The following UBAC2 variants were observed in gnomAD, a reference collection of about 807,000 sequenced individuals.
UBAC2 encodes ubiquitin-associated domain-containing protein 2.
Under a neutral mutation model 44.0 loss-of-function variants are expected in UBAC2, and 26 were observed. That is an observed-to-expected ratio of 0.59 (90% CI 0.43 to 0.82). UBAC2 has a LOEUF of 0.82. Among genes scored for constraint, UBAC2 ranks in the 40% least tolerant of loss-of-function variants. The pLI is 0.00. For missense variants in UBAC2, 329 were observed against 419.4 expected (o/e 0.78, Z 1.88); for synonymous variants, 155 against 154.3 (o/e 1.00, Z -0.04).
chr13:99,246,257 T>G (rs959514925), intron 4 of UBAC2, among the ~76,000 whole-genome samples: 5 of 152,244 alleles, frequency 3.3e-5, no homozygotes, highest in African/African-American at 1.2e-4. Context: ...CTGAATAATG[T>G]TTGAATGGAG....
intron 4 of UBAC2, among the ~76,000 whole-genome samples, chr13:99,311,934 C>T (rs1227841212): frequency 6.6e-6 from 1 of 152,222 alleles, no homozygotes; most frequent in African/African-American, 2.4e-5. Flanking sequence ...GTCTGCCACC[C>T]AGTCCCTGCC....
chr13:99,263,032 G>C (rs2043690759), intron 4 of UBAC2, among the ~76,000 whole-genome samples: 1 of 152,176 alleles, frequency 6.6e-6, no homozygotes, highest in Non-Finnish European at 1.5e-5. Flanking sequence ...TGACTGCAAA[G>C]TATGTAGTTT....
chr13:99,344,052 G>A lies in UBAC2; in HGVS notation c.807+3487G>A, dbSNP rs199952291. The stretch of plus-strand genomic sequence containing the variant: ...AGGTCCTGTCTCTCTTGCAGAATTA[G>A]CATGTTTCACTCTTTATCAGTAAGA... On this transcript the variant is annotated intron_variant, in intron 7 of 8. Coordinates refer to ENST00000403766, the MANE Select transcript of UBAC2 (RefSeq NM_001144072.2). 3.3e-5 allele frequency among the ~76,000 whole-genome samples: 5 copies of A among 152,292 alleles called. No individual in the cohort carries two copies. The East Asian group carries it at 7.7e-4, about 23-fold the overall frequency.
chr13:99,332,909 T>C (rs1051294468), intron 6 of UBAC2, among the ~76,000 whole-genome samples: 6 of 151,124 alleles, frequency 4.0e-5, no homozygotes, highest in Non-Finnish European at 8.9e-5. Context: ...TCAGAGGGTC[T>C]ATGGATTTCA....
intron 7 of UBAC2, among the ~76,000 whole-genome samples, chr13:99,358,993 T>C (rs886271846): frequency 6.6e-6 from 1 of 152,014 alleles, no homozygotes; most frequent in East Asian, 1.9e-4. Context: ...GCCCTAGGAA[T>C]GGATGGGCAC....
intron 4 of UBAC2, among the ~76,000 whole-genome samples, chr13:99,244,874 C>G (rs2043363518): frequency 6.6e-6 from 1 of 151,728 alleles, no homozygotes; most frequent in Non-Finnish European, 1.5e-5. Context: ...GCTCTGTCAC[C>G]CAGGCTGGAG....
In UBAC2 at chr13:99,244,555, AC is replaced by A; in HGVS notation, c.321del (p.Leu109SerfsTer56). The A allele has an allele frequency of 6.2e-7, 1 of 1,613,260 alleles. No individual in the cohort carries two copies. Among genetic ancestry groups the A allele is most frequent in the Non-Finnish European group, 8.5e-7 (1 of 1,179,564 alleles). On this transcript the variant is annotated frameshift_variant, in exon 4 of 9. Coordinates refer to ENST00000403766, the MANE Select transcript of UBAC2 (RefSeq NM_001144072.2). LOFTEE classifies it high-confidence loss of function. The stretch of plus-strand genomic sequence containing the variant: ...TCCTGGGTTTTGTCAGCCTTATTTG[AC>A]TTTCTCCTCATTGAAGCTATGCAGT... ...LGSWVLSALF[D>X]FLLIEAMQYF...
intron 6 of UBAC2, among the ~76,000 whole-genome samples, chr13:99,319,885 G>A (rs1461991487): frequency 6.6e-6 from 1 of 152,152 alleles, no homozygotes; most frequent in Non-Finnish European, 1.5e-5. Context: ...TCATTGCTTT[G>A]ATCATGAGAG....
chr13:99,272,251 T>C (rs954954956), intron 4 of UBAC2, among the ~76,000 whole-genome samples: 5 of 152,210 alleles, frequency 3.3e-5, no homozygotes, highest in African/African-American at 1.2e-4. Context: ...ATTTCTATCT[T>C]TGTTTCTGAT....
At chr13:99,360,747 G>A (rs2138879284) in intron 7 of UBAC2, among the ~76,000 whole-genome samples, 1 of 152,326 alleles carries the variant, frequency 6.6e-6, no homozygotes, top group Non-Finnish European at 1.5e-5. Context: ...TTTGGCCGCA[G>A]TGGGTTGATG....
At chr13:99,250,851 A>T (rs1020579373) in intron 4 of UBAC2, among the ~76,000 whole-genome samples, 2 of 151,956 alleles carry the variant, frequency 1.3e-5, no homozygotes, top group African/African-American at 4.8e-5. Flanking sequence ...GGTTCAAGCA[A>T]TTCTCCTGCC....
At chr13:99,290,668 T>C (rs1392106110) in intron 4 of UBAC2, among the ~76,000 whole-genome samples, 2 of 145,302 alleles carry the variant, frequency 1.4e-5, no homozygotes, top group African/African-American at 5.2e-5. Flanking sequence ...GAGGTTGCAG[T>C]GAGCCAAGAT....
chr13:99,256,006 C>T, intron 4 of UBAC2: 4 of 761,942 alleles, frequency 5.2e-6, no homozygotes, highest in East Asian at 5.5e-5. Flanking sequence ...ATTTTAAGTT[C>T]GAGAGCATTT....
Position 99,340,361 on chromosome 13 carries a change from T to G in UBAC2, c.603T>G (p.His201Gln). 1.9e-6 allele frequency: 3 copies of G among 1,614,192 alleles called. No individual in the cohort carries two copies. The highest frequency in any genetic ancestry group is 2.5e-6 in the Non-Finnish European group (3 of 1,180,014). ...LCYDSKMFQV[H>Q]QVLCIPSWMA... ...ACGACAGCAAAATGTTCCAGGTGCATCAGGTGCTCTGCATCCCCAGCTGGA... is the reference window on the plus strand; with the variant it reads ...ACGACAGCAAAATGTTCCAGGTGCAGCAGGTGCTCTGCATCCCCAGCTGGA... Residue 201 changes from histidine to glutamine, a missense_variant, in exon 7 of 9, where the codon CAT becomes CAG. By Grantham distance (24) the His-to-Gln change is conservative. Coordinates refer to ENST00000403766, the MANE Select transcript of UBAC2 (RefSeq NM_001144072.2).
intron 4 of UBAC2, among the ~76,000 whole-genome samples, chr13:99,305,556 A>G (rs150537714): frequency 2.4e-4 from 36 of 152,338 alleles, no homozygotes; most frequent in African/African-American, 8.7e-4. Context: ...CCAACCTACA[A>G]TAGATATCTA....
chr13:99,354,008 A>T (rs2045137158), intron 7 of UBAC2, among the ~76,000 whole-genome samples: 1 of 152,248 alleles, frequency 6.6e-6, no homozygotes, highest in African/African-American at 2.4e-5. Context: ...GATTTGGTAA[A>T]ATCATTCTGT....
rs540615202 is a variant in UBAC2, at chr13:99,384,046, A to G, written c.928-1182A>G. ...TTTCTGGAGCCACATGCCCAGGCCC[A>G]TGCCCGGCCCCTCCTCCAGCCACCC... On this transcript the variant is annotated intron_variant, in intron 8 of 8. Transcript: ENST00000403766. Among the ~76,000 whole-genome samples the G allele has an allele frequency of 2.6e-5, 4 of 152,322 alleles. No homozygotes were observed. The South Asian group carries it at 6.2e-4, about 24-fold the overall frequency.
chr13:99,279,704 C>T (rs1051388871), intron 4 of UBAC2, among the ~76,000 whole-genome samples: 1 of 152,172 alleles, frequency 6.6e-6, no homozygotes. Flanking sequence ...CTGAGAAGTC[C>T]AGGATCAAGG....
At chr13:99,269,630 T>G (rs1315489719) in intron 4 of UBAC2, among the ~76,000 whole-genome samples, 2 of 152,062 alleles carry the variant, frequency 1.3e-5, no homozygotes, top group African/African-American at 4.8e-5. Flanking sequence ...AAATAATGAG[T>G]TGGTAGGGTG....
Sources: allele counts gnomAD v4.1 joint callset (sites outside exome capture counted in the v4.1 genomes callset), GRCh38; gene constraint gnomAD v4.1.1; transcripts MANE v1.5; gene names NCBI Gene and HGNC (gene_info 2026-07-23, HGNC 2026-07-21).